The following RGS6 variants were observed in gnomAD, a reference collection of about 807,000 sequenced individuals.
The protein encoded by RGS6 is regulator of G-protein signaling 6.
In RGS6, 30 loss-of-function variants were observed where a neutral mutation model predicts 78.5. The observed-to-expected ratio is 0.38, with a 90% CI of 0.29 to 0.52. The LOEUF (loss-of-function observed/expected upper bound fraction) is 0.52. RGS6 is among the 20% of genes least tolerant of loss of function. The pLI, the probability that RGS6 is intolerant of heterozygous loss-of-function variation, is 0.85. For synonymous variants in RGS6, 206 were observed against 206.0 expected, an observed-to-expected ratio of 1.00 and a Z score of 0.00; for missense variants, 495 against 609.7, an observed-to-expected ratio of 0.81 and a Z score of 1.98.
intron 2 of RGS6, among the ~76,000 whole-genome samples, chr14:72,278,972 A>G (rs1357862138): frequency 2.0e-5 from 3 of 152,080 alleles, no homozygotes; most frequent in Non-Finnish European, 4.4e-5. Flanking sequence ...TGTGGAGAGA[A>G]CAGGCTCTCC....
At chr14:72,086,241 G>A (rs868528652) in intron 2 of RGS6, among the ~76,000 whole-genome samples, 55 of 152,310 alleles carry the variant, frequency 3.6e-4, no homozygotes, top group Middle Eastern at 3.4e-3. Flanking sequence ...TTTTTCAAAA[G>A]TGTTCTGGGT....
chr14:72,162,640 A>G (rs985639282), intron 2 of RGS6, among the ~76,000 whole-genome samples: 1 of 152,198 alleles, frequency 6.6e-6, no homozygotes, highest in African/African-American at 2.4e-5. Context: ...TTGCATAACT[A>G]CTGGGTATCT....
chr14:72,173,892 T>C (rs904654984), intron 2 of RGS6, among the ~76,000 whole-genome samples: 2 of 152,152 alleles, frequency 1.3e-5, no homozygotes, highest in African/African-American at 2.4e-5. Flanking sequence ...TTCAGAGTGA[T>C]TCGAGAGGAT....
intron 1 of RGS6, among the ~76,000 whole-genome samples, chr14:71,964,115 A>G (rs1432674638): frequency 6.6e-6 from 1 of 152,074 alleles, no homozygotes; most frequent in African/African-American, 2.4e-5. Context: ...CTAATAAAAT[A>G]TTCATATTTT....
chr14:72,600,231 G>A, the RGS6 span, among the ~76,000 whole-genome samples: 26 of 152,078 alleles, frequency 1.7e-4, no homozygotes, highest in Non-Finnish European at 3.2e-4. Context: ...ACCTGGGGAA[G>A]GGGATCAGGT....
intron 3 of RGS6, among the ~76,000 whole-genome samples, chr14:72,353,662 G>A (rs1241968987): frequency 6.6e-6 from 1 of 151,998 alleles, no homozygotes; most frequent in East Asian, 1.9e-4. Context: ...TATGGTGATG[G>A]TAACATGACT....
intron 1 of RGS6, among the ~76,000 whole-genome samples, chr14:71,959,778 G>T (rs547783512): frequency 6.6e-6 from 1 of 152,308 alleles, no homozygotes; most frequent in Admixed American, 6.5e-5. Context: ...TTAGAACAAG[G>T]TCACTGGTCA....
intron 2 of RGS6, among the ~76,000 whole-genome samples, chr14:72,321,705 A>G (rs2072092057): frequency 6.6e-6 from 1 of 152,002 alleles, no homozygotes; most frequent in Non-Finnish European, 1.5e-5. Context: ...TTAAGCAAAA[A>G]CTACCAAAAA....
At chr14:72,331,449 G>T (rs1168079064) in intron 2 of RGS6, among the ~76,000 whole-genome samples, 1 of 152,118 alleles carries the variant, frequency 6.6e-6, no homozygotes, top group Non-Finnish European at 1.5e-5. Context: ...ATTATAGAGG[G>T]TGGAATATGG....
intron 2 of RGS6, among the ~76,000 whole-genome samples, chr14:72,161,750 C>G (rs1041267057): frequency 6.6e-6 from 1 of 152,254 alleles, no homozygotes; most frequent in African/African-American, 2.4e-5. Context: ...CATGTCAATT[C>G]TGTTTACAGC....
intron 2 of RGS6, among the ~76,000 whole-genome samples, chr14:72,049,345 C>A (rs761664845): frequency 7.9e-5 from 12 of 152,170 alleles, no homozygotes; most frequent in Non-Finnish European, 1.5e-4. Context: ...ATGGGATTGG[C>A]CCCTGGCTTT....
At chr14:71,882,177 T>C in the RGS6 span, among the ~76,000 whole-genome samples, 4 of 152,238 alleles carry the variant, frequency 2.6e-5, no homozygotes, top group Admixed American at 6.5e-5. Flanking sequence ...AGCTAACTTA[T>C]ATGTGTGGAA....
intron 3 of RGS6, among the ~76,000 whole-genome samples, chr14:72,385,920 C>T (rs1318626679): frequency 6.6e-6 from 1 of 152,190 alleles, no homozygotes; most frequent in Non-Finnish European, 1.5e-5. Context: ...GCTAATATCA[C>T]ATGTTGACCT....
intron 2 of RGS6, chr14:71,990,896 TTGG>T (rs1473909899): frequency 4.4e-6 from 2 of 455,270 alleles, no homozygotes; most frequent in Non-Finnish European, 8.8e-6. Flanking sequence ...GCTTCAGTGC[TTGG>T]TGTAGCATCC....
chr14:72,365,436 G>A (rs940936328), intron 3 of RGS6, among the ~76,000 whole-genome samples: 9 of 152,154 alleles, frequency 5.9e-5, no homozygotes, highest in Non-Finnish European at 1.3e-4. Context: ...ATGTGATTTC[G>A]TCCACGAGTC....
chr14:72,381,819 A>T (rs2086203029), intron 3 of RGS6, among the ~76,000 whole-genome samples: 1 of 152,114 alleles, frequency 6.6e-6, no homozygotes, highest in Admixed American at 6.6e-5. Flanking sequence ...ATCCACTATG[A>T]GGAGTTAATA....
chr14:72,422,236 T>A (rs948834860), intron 3 of RGS6, among the ~76,000 whole-genome samples: 2 of 152,206 alleles, frequency 1.3e-5, no homozygotes, highest in African/African-American at 2.4e-5. Flanking sequence ...TTGCCCAGTC[T>A]TAGGTATGTC....
intron 2 of RGS6, among the ~76,000 whole-genome samples, chr14:72,044,698 CTG>C (rs1427285566): frequency 6.6e-6 from 1 of 151,982 alleles, no homozygotes; most frequent in Non-Finnish European, 1.5e-5. Context: ...TGGTGAGACT[CTG>C]TCTCTACTAA....
At chr14:71,931,463 GAC>G (rs1225679614), upstream of RGS6, among the ~76,000 whole-genome samples, 2 of 152,210 alleles carry the variant, frequency 1.3e-5, no homozygotes, top group Admixed American at 6.5e-5. Flanking sequence ...GGCGGGAAAA[GAC>G]ACAATTTGGG....
Sources: allele counts gnomAD v4.1 joint callset (sites outside exome capture counted in the v4.1 genomes callset), GRCh38; gene constraint gnomAD v4.1.1; transcripts MANE v1.5; gene names NCBI Gene and HGNC (gene_info 2026-07-23, HGNC 2026-07-21).